CYP26B1: variants seen among roughly 807,000 people sequenced by gnomAD.
The protein encoded by CYP26B1 is cytochrome P450 26B1.
Under a neutral mutation model 39.1 loss-of-function variants are expected in CYP26B1, and 8 were observed. That is an observed-to-expected ratio of 0.20 (90% CI 0.12 to 0.37). The LOEUF (loss-of-function observed/expected upper bound fraction) is 0.37, where lower values mean the gene tolerates loss of function less well. Among genes scored for constraint, CYP26B1 ranks in the 10% least tolerant of loss-of-function variants. The probability of loss-of-function intolerance (pLI) is 1.00; values close to 1 mark genes in which losing one functional copy is unlikely to be tolerated. For synonymous variants in CYP26B1, 321 were observed against 314.3 expected, an observed-to-expected ratio of 1.02 and a Z score of -0.23; for missense variants, 615 against 707.0, an observed-to-expected ratio of 0.87 and a Z score of 1.48.
chr2:72,143,892 G>T, intron 2 of CYP26B1, 97 bp downstream of exon 2: 2 of 1,409,984 alleles, frequency 1.4e-6, no homozygotes, highest in Admixed American at 1.9e-5. Flanking sequence ...TGCAAAGGGG[G>T]GCACAGATTC....
intron 4 of CYP26B1, among the ~76,000 whole-genome samples, chr2:72,133,903 G>A (rs966388758): frequency 1.3e-5 from 2 of 152,162 alleles, no homozygotes; most frequent in African/African-American, 2.4e-5. Context: ...GGGCTTTCTG[G>A]GGAGCAGGAC....
intron 2 of CYP26B1, among the ~76,000 whole-genome samples, chr2:72,140,757 G>A (rs935702676): frequency 2.0e-5 from 3 of 152,210 alleles, no homozygotes; most frequent in Admixed American, 6.5e-5. Context: ...GGGTGGACAG[G>A]CAGGGTTTCT....
chr2:72,133,354 A>G (rs1471604673), intron 4 of CYP26B1, 47 bp from the exon 5 acceptor site: 1 of 1,579,796 alleles, frequency 6.3e-7, no homozygotes, highest in Non-Finnish European at 8.5e-7. Context: ...GGGTTCAGCC[A>G]GGCAGGGGCC....
intron 1 of CYP26B1, among the ~76,000 whole-genome samples, chr2:72,144,970 G>A (rs1558972663): frequency 6.6e-6 from 1 of 152,174 alleles, no homozygotes; most frequent in East Asian, 1.9e-4. Context: ...CGAAACGGCT[G>A]GCGGAGCCGG....
At chr2:72,142,737 T>C (rs1676978323) in intron 2 of CYP26B1, among the ~76,000 whole-genome samples, 1 of 152,076 alleles carries the variant, frequency 6.6e-6, no homozygotes, top group African/African-American at 2.4e-5. Flanking sequence ...TTCCAGCCAC[T>C]CCCCAGAACT....
Position 72,144,173 on chromosome 2 carries a change from T to C in CYP26B1, c.245A>G (p.Asn82Ser). 2 of 1,605,108 alleles carry C rather than the reference T, an allele frequency of 1.2e-6. No individual in the cohort carries two copies. The highest frequency in any genetic ancestry group is 1.7e-5 in the Admixed American group (1 of 59,808). The change falls in exon 2 of 6, where the codon AAC becomes AGC. Residue 82 changes from asparagine (N) to serine (S), a missense_variant. Physicochemically the swap from Asn to Ser is conservative, Grantham distance 46. Coordinates refer to ENST00000001146, the MANE Select transcript of CYP26B1 (RefSeq NM_019885.4). ...FQSSRREKYG[N>S]VFKTHLLGRP... is the part of the protein sequence containing the mutation. ...CCCCAACAAATGCGTCTTGAACACGTTGCCATACTTCTCCCTCCGCGACGA... is the reference window on the plus strand; with the variant it reads ...CCCCAACAAATGCGTCTTGAACACGCTGCCATACTTCTCCCTCCGCGACGA...
chr2:72,144,947 C>A (rs1677076448), intron 1 of CYP26B1, among the ~76,000 whole-genome samples: 1 of 152,202 alleles, frequency 6.6e-6, no homozygotes, highest in South Asian at 2.1e-4. Flanking sequence ...GGGGCCGGGG[C>A]CGGCCGGACT....
rs868051196 is a variant in CYP26B1, at chr2:72,131,931, C to G, written c.*296G>C. ...AGAACATCACAAAAACACTGTAGCACGCGCTGACACCTAACACTGTCACGG... is the reference window on the plus strand; with the variant it reads ...AGAACATCACAAAAACACTGTAGCAGGCGCTGACACCTAACACTGTCACGG... On this transcript the variant is annotated 3_prime_UTR_variant, in exon 6 of 6. Transcript: ENST00000001146. The G allele has an allele frequency of 2.0e-6, 1 of 490,280 alleles. No individual in the cohort carries two copies. Among genetic ancestry groups the G allele is most frequent in the African/African-American group, 1.9e-5 (1 of 51,684 alleles). 30.4% of individuals were successfully genotyped at this position (490,280 alleles called of 1,614,324 possible).
Position 72,143,991 on chromosome 2 carries a change from T to G in CYP26B1, c.427A>C (p.Lys143Gln). The change falls in exon 2 of 6, where the codon AAG becomes CAG. Residue 143 changes from lysine to glutamine, a missense_variant and splice_region_variant. By Grantham distance (53) the Lys-to-Gln change is moderately conservative. Transcript: ENST00000001146. ...SIGDIHRNKR[K>Q]VFSKIFSHEA... ...AAGAAAACGGGCAGAGTTCTTACCT[T>G]GCGCTTGTTGCGGTGGATGTCGCCA... 1.2e-6 allele frequency: 2 copies of G among 1,613,398 alleles called. No homozygotes were observed. The highest frequency in any genetic ancestry group is 1.7e-6 in the Non-Finnish European group (2 of 1,179,986).
At chr2:72,135,465 C>A (rs371235150) in intron 2 of CYP26B1, 46 bp from the exon 3 acceptor site, 686 of 1,599,728 alleles carry the variant, frequency 4.3e-4, no homozygotes, top group Non-Finnish European at 5.4e-4. Context: ...GCACAGCCCA[C>A]CCCTGGCCAG....
At chr2:72,134,273 G>A (rs1676687848) in intron 4 of CYP26B1, among the ~76,000 whole-genome samples, 1 of 146,798 alleles carries the variant, frequency 6.8e-6, no homozygotes. Context: ...GGGCAAGCAG[G>A]TCCTGCGTGG....
Position 72,132,546 on chromosome 2 carries a change from T to G in CYP26B1, c.1220A>C (p.Lys407Thr). 6.2e-7 allele frequency: 1 copy of G among 1,609,410 alleles called. No homozygotes were observed. Among genetic ancestry groups the G allele is most frequent in the Non-Finnish European group, 8.5e-7 (1 of 1,176,684 alleles). Residue 407 changes from lysine to threonine, a missense_variant, in exon 6 of 6, where the codon AAA becomes ACA. Lys to Thr is a moderately conservative substitution (Grantham distance 78). Transcript: ENST00000001146. ...ATCGGGGTCGAACACGTTCACGTCTTTGAACACGGGCGCTGTGTCATGGGT... is the reference window on the plus strand; with the variant it reads ...ATCGGGGTCGAACACGTTCACGTCTGTGAACACGGGCGCTGTGTCATGGGT... ...RDTHDTAPVFKDVNVFDPDRF... is the reference protein window; with the variant it reads ...RDTHDTAPVFTDVNVFDPDRF...
Position 72,132,974 on chromosome 2 carries a change from C to T in CYP26B1, c.1146+49G>A, listed in dbSNP as rs372378096. On this transcript the variant is annotated intron_variant, in intron 5 of 5. Coordinates refer to ENST00000001146, the MANE Select transcript of CYP26B1 (RefSeq NM_019885.4). ...CTGGTGCCCCGCCTTGCCCCTATCC[C>T]GGTGCCCCTGCTCCCCCATCGCCCC... 90 of 1,611,844 alleles carry T rather than the reference C, an allele frequency of 5.6e-5. 1 individual carries two copies. The Middle Eastern group carries it at 1.7e-3, about 30-fold the overall frequency.
Position 72,131,002 on chromosome 2 carries a change from C to T in CYP26B1, c.*1225G>A, listed in dbSNP as rs139132281. The T allele has an allele frequency of 3.7e-3, 570 of 152,870 alleles. 4 individuals are homozygous for T. The highest frequency in any genetic ancestry group is 0.012 in the African/African-American group (489 of 41,570). 9.5% of individuals were successfully genotyped at this position (152,870 alleles called of 1,614,324 possible). ...GACTTCAAGGACACCTTTTTCAGGG[C>T]GGAGGGCAAAGGGGGAGAGTTAAGG... is the stretch of plus-strand genomic sequence containing the variant. On this transcript the variant is annotated 3_prime_UTR_variant, in exon 6 of 6. Coordinates refer to ENST00000001146, the MANE Select transcript of CYP26B1 (RefSeq NM_019885.4).
chr2:72,146,418 A>G (rs552485733), intron 1 of CYP26B1, among the ~76,000 whole-genome samples: 1 of 152,162 alleles, frequency 6.6e-6, no homozygotes, highest in Admixed American at 6.5e-5. Context: ...TGCACGAACA[A>G]CCCCAAAAAG....
rs1676492366 is a variant in CYP26B1, at chr2:72,129,574, T to A, written c.*2653A>T. The A allele has an allele frequency of 6.6e-6, 1 of 152,428 alleles. No individual in the cohort carries two copies. The highest frequency in any genetic ancestry group is 6.6e-5 in the Admixed American group (1 of 15,258). 9.4% of individuals were successfully genotyped at this position (152,428 alleles called of 1,614,324 possible). On this transcript the variant is annotated 3_prime_UTR_variant, in exon 6 of 6. Coordinates refer to ENST00000001146, the MANE Select transcript of CYP26B1 (RefSeq NM_019885.4). ...TTTTGAATTATAACAAAAATAGTACTTATAATAGTTTATAAAGACAGACAC... is the reference window on the plus strand; with the variant it reads ...TTTTGAATTATAACAAAAATAGTACATATAATAGTTTATAAAGACAGACAC...
chr2:72,132,933 G>A, intron 5 of CYP26B1, 90 bp downstream of exon 5: 1 of 1,583,664 alleles, frequency 6.3e-7, no homozygotes, highest in Non-Finnish European at 8.6e-7. Context: ...CAGGCCTGAA[G>A]TCCCTGAAAT....
Position 72,132,051 on chromosome 2 carries a change from C to A in CYP26B1, c.*176G>T, listed in dbSNP as rs1449528052. On this transcript the variant is annotated 3_prime_UTR_variant, in exon 6 of 6. Coordinates refer to ENST00000001146, the MANE Select transcript of CYP26B1 (RefSeq NM_019885.4). ...AGCTGGAGCCAGAAGGGGAGCCCAG[C>A]CCTAGGAATGGGGCCCACTGGCTTT... 2.9e-6 allele frequency: 2 copies of A among 693,902 alleles called. No individual in the cohort carries two copies. The highest frequency in any genetic ancestry group is 2.7e-5 in the East Asian group (1 of 36,556). The allele number at this position is 693,902 out of a possible 1,614,324, so 43.0% of individuals were successfully genotyped here.
rs779059419 is a variant in CYP26B1, at chr2:72,143,990, T to C, written c.428A>G (p.Lys143Arg). The change falls in exon 2 of 6, where the codon AAG (lysine) becomes AGG (arginine). Residue 143 changes from lysine to arginine, a missense_variant and splice_region_variant. Lys to Arg is a conservative substitution (Grantham distance 26). Coordinates refer to ENST00000001146, the MANE Select transcript of CYP26B1 (RefSeq NM_019885.4). ...SIGDIHRNKR[K>R]VFSKIFSHEA... ...GAAGAAAACGGGCAGAGTTCTTACCTTGCGCTTGTTGCGGTGGATGTCGCC... is the reference window on the plus strand; with the variant it reads ...GAAGAAAACGGGCAGAGTTCTTACCCTGCGCTTGTTGCGGTGGATGTCGCC... The C allele has an allele frequency of 3.7e-6, 6 of 1,613,270 alleles. No individual in the cohort carries two copies. In the African/African-American group the frequency reaches 5.3e-5, roughly 14 times the overall value.
Sources: gnomAD v4.1 joint callset for allele counts (sites outside exome capture counted in the v4.1 genomes callset) on GRCh38, gnomAD v4.1.1 for gene constraint, MANE v1.5 for transcripts, NCBI Gene and HGNC (gene_info 2026-07-23, HGNC 2026-07-21) for gene names.